FMN1: variants seen among roughly 807,000 people sequenced by gnomAD.
FMN1 encodes the protein formin-1.
In FMN1, 110 loss-of-function variants were observed where a neutral mutation model predicts 132.4. That is an observed-to-expected ratio of 0.83 (90% CI 0.71 to 0.97). The LOEUF is 0.97. Ranked by LOEUF, FMN1 falls within the 50% of genes least tolerant of loss-of-function variation. The pLI, the probability that FMN1 is intolerant of heterozygous loss-of-function variation, is 0.00. For synonymous variants in FMN1, 722 were observed against 651.7 expected (o/e 1.11, Z -1.64); for missense variants, 1,792 against 1,705.3 (o/e 1.05, Z -0.90).
chr15:32,838,594 C>A (rs1372028494), intron 17 of FMN1, among the ~76,000 whole-genome samples: 1 of 152,170 alleles, frequency 6.6e-6, no homozygotes, highest in African/African-American at 2.4e-5. Context: ...CGCTTAAAGC[C>A]CCGCTTAAAG....
intron 6 of FMN1, among the ~76,000 whole-genome samples, chr15:33,051,741 C>T (rs1213573798): frequency 2.0e-5 from 3 of 152,182 alleles, no homozygotes; most frequent in African/African-American, 7.2e-5. Context: ...AATAAACACA[C>T]TGTACATGCA....
chr15:33,060,952 G>A (rs1031900964), intron 6 of FMN1, among the ~76,000 whole-genome samples: 1 of 152,136 alleles, frequency 6.6e-6, no homozygotes, highest in Non-Finnish European at 1.5e-5. Flanking sequence ...TCTTAATAAT[G>A]AGAAATTTCA....
At position 32,771,279 on chromosome 15, in the gene FMN1, CGT is replaced by C. The variant is rs2056232131; in HGVS notation, c.*3029_*3030del. ...ATTTTTAGTAGAGATGGGGTTTCAC[CGT>C]GTTAGCCAGGATGGTCTCAATCTCC... is the stretch of plus-strand genomic sequence containing the variant. On this transcript the variant is annotated 3_prime_UTR_variant, in exon 21 of 21. Coordinates refer to ENST00000616417, the MANE Select transcript of FMN1 (RefSeq NM_001277313.2). 1 of 151,656 alleles carries C rather than the reference CGT, an allele frequency of 6.6e-6. No homozygotes were observed. Among genetic ancestry groups the C allele is most frequent in the African/African-American group, 2.4e-5 (1 of 41,268 alleles). 9.4% of individuals were successfully genotyped at this position (151,656 alleles called of 1,614,324 possible).
chr15:33,029,137 C>A (rs990128812), intron 6 of FMN1, among the ~76,000 whole-genome samples: 2 of 152,124 alleles, frequency 1.3e-5, no homozygotes, highest in African/African-American at 2.4e-5. Context: ...CTTAGACTAA[C>A]CCCCTTCCTC....
At chr15:32,911,120 C>T (rs2060551109) in intron 10 of FMN1, among the ~76,000 whole-genome samples, 1 of 152,140 alleles carries the variant, frequency 6.6e-6, no homozygotes, top group Non-Finnish European at 1.5e-5. Flanking sequence ...GGCTCTCATT[C>T]CCATGGCTTT....
At chr15:32,971,020 T>C (rs951970687) in intron 7 of FMN1, among the ~76,000 whole-genome samples, 1 of 152,128 alleles carries the variant, frequency 6.6e-6, no homozygotes, top group African/African-American at 2.4e-5. Flanking sequence ...GAGTGCCGAG[T>C]TTGGACTCAC....
chr15:32,863,219 G>A (rs555292498), intron 16 of FMN1, among the ~76,000 whole-genome samples: 8 of 152,248 alleles, frequency 5.3e-5, no homozygotes, highest in East Asian at 1.9e-4. Flanking sequence ...CGAGGCGGGC[G>A]GATCACGAGG....
Position 32,908,574 on chromosome 15 carries a change from GCT to G in FMN1, c.3291_3292del (p.Arg1097SerfsTer5). 6.4e-7 allele frequency: 1 copy of G among 1,554,872 alleles called. No homozygotes were observed. Among genetic ancestry groups the G allele is most frequent in the African/African-American group, 1.4e-5 (1 of 70,554 alleles). On this transcript the variant is annotated frameshift_variant and splice_region_variant, in exon 12 of 21. Coordinates refer to ENST00000616417, the MANE Select transcript of FMN1 (RefSeq NM_001277313.2). LOFTEE classifies it high-confidence loss of function. ...TATTTTAACCAGCTCATCCTCTTGGGCTCTCTGTATCAAAATAGAAAACAAAA... is the reference window on the plus strand; with the variant it reads ...TATTTTAACCAGCTCATCCTCTTGGGCTCTGTATCAAAATAGAAAACAAAA...
chr15:33,190,122 A>G (rs1266511647), intron 2 of FMN1, among the ~76,000 whole-genome samples: 6 of 152,228 alleles, frequency 3.9e-5, no homozygotes, highest in Non-Finnish European at 8.8e-5. Flanking sequence ...GAAGACCATT[A>G]AACACTGTGG....
chr15:32,977,198 T>C (rs2032279526), intron 7 of FMN1, among the ~76,000 whole-genome samples: 1 of 152,204 alleles, frequency 6.6e-6, no homozygotes, highest in Admixed American at 6.5e-5. Context: ...ACTGGTATTG[T>C]GGCTGTTTTC....
chr15:32,770,904 G>A lies in FMN1; in HGVS notation c.*3406C>T, dbSNP rs2056213840. 6.6e-6 allele frequency: 1 copy of A among 151,864 alleles called. No homozygotes were observed. Among genetic ancestry groups the A allele is most frequent in the Admixed American group, 6.6e-5 (1 of 15,224 alleles). The allele number at this position is 151,864 out of a possible 1,614,324, so 9.4% of individuals were successfully genotyped here. A position where few individuals can be genotyped will look rare whatever the true frequency, so the allele number is the denominator to read the frequency against. The stretch of plus-strand genomic sequence containing the variant: ...CCATCATCAACATAAGGATTCAAAA[G>A]GCAACTGTTGGGCAGTAGGACCATC... On this transcript the variant is annotated 3_prime_UTR_variant, in exon 21 of 21. Transcript: ENST00000616417.
At chr15:32,780,123 A>G (rs890840001) in intron 19 of FMN1, among the ~76,000 whole-genome samples, 4 of 152,194 alleles carry the variant, frequency 2.6e-5, no homozygotes, top group Non-Finnish European at 4.4e-5. Context: ...CATAGGATCA[A>G]TAAGAGGACT....
At chr15:33,125,456 G>C (rs373448170) in intron 4 of FMN1, among the ~76,000 whole-genome samples, 64 of 152,122 alleles carry the variant, frequency 4.2e-4, no homozygotes, top group African/African-American at 1.5e-3. Flanking sequence ...ATTATTTAAA[G>C]GAAATATCTA....
intron 7 of FMN1, among the ~76,000 whole-genome samples, chr15:32,992,358 C>G (rs2033486921): frequency 1.3e-5 from 2 of 152,122 alleles, no homozygotes; most frequent in Non-Finnish European, 2.9e-5. Context: ...ATAATAATCA[C>G]AGATTTTCAT....
At chr15:32,925,695 T>TGA (rs2060942657) in intron 10 of FMN1, among the ~76,000 whole-genome samples, 1 of 152,188 alleles carries the variant, frequency 6.6e-6, no homozygotes, top group Admixed American at 6.5e-5. Context: ...ACCACTTATG[T>TGA]GATGATACTG....
intron 9 of FMN1, among the ~76,000 whole-genome samples, chr15:32,943,400 G>T (rs1481445106): frequency 6.6e-6 from 1 of 152,064 alleles, no homozygotes; most frequent in African/African-American, 2.4e-5. Flanking sequence ...ATCAATACTC[G>T]CTGAATTCCA....
Position 33,182,868 on chromosome 15 carries a change from T to C in FMN1, c.-196-2606A>G, listed in dbSNP as rs563749726. Among the ~76,000 whole-genome samples, 42 of 152,364 alleles carry C rather than the reference T, an allele frequency of 2.8e-4. No homozygotes were observed. The Middle Eastern group carries it at 0.01, about 37-fold the overall frequency. On this transcript the variant is annotated intron_variant, in intron 2 of 20. Coordinates refer to ENST00000616417, the MANE Select transcript of FMN1 (RefSeq NM_001277313.2). Reference sequence around the variant, plus strand: ...TAACAGCTACTATTACTTGAGCACTTGTGGCAGGGATTATGATAAACATTT... The same window carrying C: ...TAACAGCTACTATTACTTGAGCACTCGTGGCAGGGATTATGATAAACATTT...
At chr15:32,945,023 T>C (rs548748362) in intron 9 of FMN1, among the ~76,000 whole-genome samples, 8 of 152,144 alleles carry the variant, frequency 5.3e-5, no homozygotes, top group Non-Finnish European at 1.2e-4. Flanking sequence ...CAATAAATTT[T>C]TGTTGTTTCA....
chr15:32,904,118 G>T (rs1440813169), intron 12 of FMN1, among the ~76,000 whole-genome samples: 1 of 152,102 alleles, frequency 6.6e-6, no homozygotes, highest in African/African-American at 2.4e-5. Flanking sequence ...GATAATCTGA[G>T]AAGTAAACCA....
Sources: allele counts gnomAD v4.1 joint callset (sites outside exome capture counted in the v4.1 genomes callset), GRCh38; gene constraint gnomAD v4.1.1; transcripts MANE v1.5; gene names NCBI Gene and HGNC (gene_info 2026-07-23, HGNC 2026-07-21).